IL1RN: variants seen among roughly 807,000 people sequenced by gnomAD.
IL1RN encodes the protein interleukin-1 receptor antagonist protein.
Under a neutral mutation model 13.7 loss-of-function variants are expected in IL1RN, and 10 were observed. The ratio of observed to expected loss-of-function variants is 0.73; its 90% CI spans 0.45 to 1.24. The LOEUF (loss-of-function observed/expected upper bound fraction) is 1.24. Among genes scored for constraint, IL1RN ranks in the 50% most tolerant of loss-of-function variants. IL1RN has a pLI of 0.00. For missense variants in IL1RN, 213 were observed against 222.1 expected, an observed-to-expected ratio of 0.96 and a Z score of 0.26; for synonymous variants, 102 against 82.7, an observed-to-expected ratio of 1.23 and a Z score of -1.27.
chr2:113,100,610 G>T, the IL1RN span, among the ~76,000 whole-genome samples: 2 of 152,210 alleles, frequency 1.3e-5, no homozygotes, highest in East Asian at 1.9e-4. Context: ...TCACTCTATC[G>T]CACAGATGCA....
Position 113,127,693 on chromosome 2 carries a change from G to C in IL1RN, c.69G>C (p.Thr23=). The C allele has an allele frequency of 6.2e-7, 1 of 1,614,050 alleles. No homozygotes were observed. The highest frequency in any genetic ancestry group is 1.1e-5 in the South Asian group (1 of 91,076). Residue 23 remains threonine (T), a synonymous_variant, in exon 1 of 4, where the codon ACG becomes ACC. Coordinates refer to ENST00000409930, the MANE Select transcript of IL1RN (RefSeq NM_173842.3). ...TLLLFLFHSE[T]ICRPSGRKSS... ...TCCTCTTCCTGTTCCATTCAGAGAC[G>C]ATCTGCCGACCCTCTGGGAGAAAAT...
chr2:113,124,033 G>T (rs1374862566), upstream of IL1RN, among the ~76,000 whole-genome samples: 1 of 152,138 alleles, frequency 6.6e-6, no homozygotes, highest in Non-Finnish European at 1.5e-5. Flanking sequence ...GGACAGCCTG[G>T]TTTCCCTATC....
rs1195312736 is a variant in IL1RN at position 113,132,870 on chromosome 2, A to G, written c.533A>G (p.Ter178TrpextTer32). 1 of 1,613,688 alleles carries G rather than the reference A, an allele frequency of 6.2e-7. No individual in the cohort carries two copies. Among genetic ancestry groups the G allele is most frequent in the East Asian group, 2.2e-5 (1 of 44,898 alleles). The change falls in exon 4 of 4, where the codon TAG (stop) becomes TGG (tryptophan). Residue 178 changes from the stop codon to tryptophan, a stop_lost. Coordinates refer to ENST00000409930, the MANE Select transcript of IL1RN (RefSeq NM_173842.3). ...AAATTCTACTTCCAGGAGGACGAGT[A>G]GTACTGCCCAGGCCTGCCTGTTCCC... ...VTKFYFQEDE[*>W]
At chr2:113,102,342 C>T (rs35998927), upstream of IL1RN, among the ~76,000 whole-genome samples, 31,063 of 152,118 alleles carry the variant, frequency 0.2, 3,834 homozygotes, top group South Asian at 0.35. Flanking sequence ...TAGGGCCCCA[C>T]CCTTATTTAA....
chr2:113,102,407 G>A (rs1686328132), upstream of IL1RN, among the ~76,000 whole-genome samples: 2 of 152,190 alleles, frequency 1.3e-5, no homozygotes, highest in Admixed American at 1.3e-4. Context: ...CTGGGAGTTA[G>A]GACTTTGATA....
chr2:113,127,403 G>A, upstream of IL1RN: 2 of 927,648 alleles, frequency 2.2e-6, no homozygotes, highest in Non-Finnish European at 2.6e-6. Context: ...ATTGCACAGG[G>A]GAAAAAGGGG....
At chr2:113,114,127 C>G (rs914761140), upstream of IL1RN, among the ~76,000 whole-genome samples, 4 of 152,176 alleles carry the variant, frequency 2.6e-5, no homozygotes, top group African/African-American at 9.7e-5. Context: ...TTGTGAGAGG[C>G]AGTAACTGGG....
At chr2:113,129,178 T>A (rs1687069440) in intron 1 of IL1RN, among the ~76,000 whole-genome samples, 1 of 152,228 alleles carries the variant, frequency 6.6e-6, no homozygotes, top group African/African-American at 2.4e-5. Context: ...TATCCACATT[T>A]AAAGAGGTCA....
chr2:113,114,458 G>A (rs147201942), upstream of IL1RN, among the ~76,000 whole-genome samples: 294 of 152,280 alleles, frequency 1.9e-3, no homozygotes, highest in African/African-American at 6.8e-3. Flanking sequence ...AGGTACATGT[G>A]TAATCAGCTG....
At chr2:113,103,398 T>C (rs962036203), upstream of IL1RN, among the ~76,000 whole-genome samples, 1 of 152,250 alleles carries the variant, frequency 6.6e-6, no homozygotes, top group African/African-American at 2.4e-5. Flanking sequence ...TTGTGTCCAA[T>C]GTAAGAACAA....
intron 2 of IL1RN, among the ~76,000 whole-genome samples, chr2:113,122,264 A>G (rs1686804714): frequency 6.6e-6 from 1 of 152,230 alleles, no homozygotes; most frequent in Non-Finnish European, 1.5e-5. Flanking sequence ...CCGACAAACT[A>G]GATTTATCAG....
chr2:113,099,851 C>G, the IL1RN span, among the ~76,000 whole-genome samples: 1 of 147,040 alleles, frequency 6.8e-6, no homozygotes, highest in African/African-American at 2.5e-5. Flanking sequence ...TCTCCTGCCT[C>G]AGCCTCCCGA....
the IL1RN span, among the ~76,000 whole-genome samples, chr2:113,100,709 C>T: frequency 6.6e-6 from 1 of 152,124 alleles, no homozygotes; most frequent in Non-Finnish European, 1.5e-5. Context: ...TGACAGAAAG[C>T]CATGTTTGTA....
upstream of IL1RN, among the ~76,000 whole-genome samples, chr2:113,114,131 A>G (rs1686548588): frequency 6.6e-6 from 1 of 152,242 alleles, no homozygotes; most frequent in East Asian, 1.9e-4. Context: ...GAGAGGCAGT[A>G]ACTGGGAATA....
At chr2:113,109,577 A>G (rs1484778321), upstream of IL1RN, among the ~76,000 whole-genome samples, 2 of 151,820 alleles carry the variant, frequency 1.3e-5, no homozygotes, top group Non-Finnish European at 2.9e-5. Context: ...TATTAAACAC[A>G]GAAAAGTTGA....
In IL1RN at chr2:113,129,622, C is replaced by A. The variant is rs1289272328; in HGVS notation, c.163C>A (p.Leu55Ile). The change falls in exon 2 of 4, where the codon CTA (leucine) becomes ATA (isoleucine). Residue 55 changes from leucine to isoleucine, a missense_variant. Transcript: ENST00000409930. Reference sequence around the variant, plus strand: ...GACCTTCTATCTGAGGAACAACCAACTAGTTGCTGGATACTTGCAAGGACC... The same window carrying A: ...GACCTTCTATCTGAGGAACAACCAAATAGTTGCTGGATACTTGCAAGGACC... Reference protein sequence around the residue: ...QKTFYLRNNQLVAGYLQGPNV... With the variant: ...QKTFYLRNNQIVAGYLQGPNV... 1 of 1,613,466 alleles carries A rather than the reference C, an allele frequency of 6.2e-7. No individual in the cohort carries two copies. The highest frequency in any genetic ancestry group is 1.7e-5 in the Admixed American group (1 of 60,020).
rs1400662097 is a variant in IL1RN at position 113,129,681 on chromosome 2, A to G, written c.205+17A>G. On this transcript the variant is annotated intron_variant, in intron 2 of 3. Transcript: ENST00000409930. ...ATTTAGAAGGTGAGTGGTTGCCAGG[A>G]AAGCCAATGTATGTGGGCATCACGT... 1.3e-6 allele frequency: 2 copies of G among 1,549,326 alleles called. No homozygotes were observed. The highest frequency in any genetic ancestry group is 1.7e-5 in the Admixed American group (1 of 59,958).
chr2:113,099,723 C>CCTTT, the IL1RN span, among the ~76,000 whole-genome samples: 1 of 72,170 alleles, frequency 1.4e-5, no homozygotes, highest in Non-Finnish European at 2.7e-5. Context: ...CCTCTTCTTT[C>CCTTT]TTTTCTTTTT....
chr2:113,101,699 G>T, the IL1RN span, among the ~76,000 whole-genome samples: 1 of 152,064 alleles, frequency 6.6e-6, no homozygotes, highest in Non-Finnish European at 1.5e-5. Context: ...AGAAACCACC[G>T]CTCTGAAAGA....
Sources: allele counts gnomAD v4.1 joint callset (sites outside exome capture counted in the v4.1 genomes callset), GRCh38; gene constraint gnomAD v4.1.1; transcripts MANE v1.5; gene names NCBI Gene and HGNC (gene_info 2026-07-23, HGNC 2026-07-21).